MYO3B: variants seen among roughly 807,000 people sequenced by gnomAD.
MYO3B encodes the protein myosin IIIB, also known as myosin-IIIb.
Under a neutral mutation model 174.6 loss-of-function variants are expected in MYO3B, and 156 were observed. The ratio of observed to expected loss-of-function variants is 0.89; its 90% CI spans 0.78 to 1.02. The LOEUF (loss-of-function observed/expected upper bound fraction) is 1.02. Among genes scored for constraint, MYO3B ranks in the 50% least tolerant of loss-of-function variants. The pLI is 0.00. For missense variants in MYO3B, 1,632 were observed against 1,639.4 expected (o/e 1.00, Z 0.08); for synonymous variants, 563 against 569.1 (o/e 0.99, Z 0.15).
intron 7 of MYO3B, among the ~76,000 whole-genome samples, chr2:170,271,053 A>T (rs1421464930): frequency 6.6e-6 from 1 of 152,212 alleles, no homozygotes; most frequent in African/African-American, 2.4e-5. Context: ...TGCCAGATAT[A>T]GAAATTGGAG....
chr2:170,641,259 G>A (rs115742177), intron 32 of MYO3B: 1 of 152,230 alleles, frequency 6.6e-6, no homozygotes, highest in African/African-American at 2.4e-5. Context: ...CAAATGAGGT[G>A]TTATTTTTGC....
chr2:170,227,273 C>G (rs765362598), intron 6 of MYO3B, among the ~76,000 whole-genome samples: 2 of 152,024 alleles, frequency 1.3e-5, no homozygotes, highest in African/African-American at 2.4e-5. Flanking sequence ...CCGGGTATTT[C>G]TCATACTTTT....
At chr2:170,181,849 C>G (rs935749659) in intron 1 of MYO3B, among the ~76,000 whole-genome samples, 1 of 152,060 alleles carries the variant, frequency 6.6e-6, no homozygotes, top group African/African-American at 2.4e-5. Context: ...AGATTGTTTA[C>G]GCTTTCGCTC....
At chr2:170,641,452 T>C (rs761140259) in intron 32 of MYO3B, 1 of 152,188 alleles carries the variant, frequency 6.6e-6, no homozygotes, top group Non-Finnish European at 1.5e-5. Context: ...ATTCTTCTTT[T>C]AGAAATTTAT....
chr2:170,558,098 A>T (rs192635097), intron 32 of MYO3B, among the ~76,000 whole-genome samples: 1 of 152,152 alleles, frequency 6.6e-6, no homozygotes, highest in African/African-American at 2.4e-5. Flanking sequence ...TCAGGAGATC[A>T]AGACCATCCT....
At chr2:170,267,879 A>G (rs2093395894) in intron 7 of MYO3B, among the ~76,000 whole-genome samples, 1 of 152,168 alleles carries the variant, frequency 6.6e-6, no homozygotes, top group African/African-American at 2.4e-5. Flanking sequence ...TTAGGGTTGG[A>G]CAGAATCCAT....
intron 3 of MYO3B, among the ~76,000 whole-genome samples, chr2:170,213,884 T>TA (rs771914705): frequency 6.6e-5 from 10 of 152,192 alleles, no homozygotes; most frequent in Non-Finnish European, 1.3e-4. Context: ...GGGCTTCTGA[T>TA]ACGTGCTAGC....
chr2:170,517,683 C>G (rs1177188507), intron 29 of MYO3B, among the ~76,000 whole-genome samples: 2 of 152,140 alleles, frequency 1.3e-5, no homozygotes, highest in African/African-American at 4.8e-5. Context: ...TCCTTCTTAA[C>G]AGGGAAACAG....
At position 170,289,456 on chromosome 2, in the gene MYO3B, G is replaced by A. The variant is rs113316368; in HGVS notation, c.750-45929G>A. On this transcript the variant is annotated intron_variant, in intron 7 of 34. Transcript: ENST00000408978. Reference sequence around the variant, plus strand: ...CAATTTTGATAGGTTCTATGATTCCGGGAGTTTATCCATTCTTCCAGGTTT... The same window carrying A: ...CAATTTTGATAGGTTCTATGATTCCAGGAGTTTATCCATTCTTCCAGGTTT... Among the ~76,000 whole-genome samples, 692 of 151,984 alleles carry A rather than the reference G, an allele frequency of 4.6e-3. 9 individuals carry two copies. The highest frequency in any genetic ancestry group is 0.016 in the African/African-American group (652 of 41,486).
intron 28 of MYO3B, among the ~76,000 whole-genome samples, chr2:170,504,131 A>G: frequency 6.6e-6 from 1 of 152,190 alleles, no homozygotes. Context: ...ACCCAGATAC[A>G]GTGGCTCCCC....
At chr2:170,377,837 T>C (rs2094305955) in intron 9 of MYO3B, among the ~76,000 whole-genome samples, 1 of 152,234 alleles carries the variant, frequency 6.6e-6, no homozygotes, top group Admixed American at 6.5e-5. Context: ...TTTGATTTAG[T>C]AGAATGTTTT....
intron 7 of MYO3B, among the ~76,000 whole-genome samples, chr2:170,276,825 A>G (rs1363427332): frequency 6.6e-6 from 1 of 152,062 alleles, no homozygotes; most frequent in Non-Finnish European, 1.5e-5. Flanking sequence ...ATATAAAGCA[A>G]CTGTTTTTTT....
intron 16 of MYO3B, among the ~76,000 whole-genome samples, chr2:170,397,653 CA>C (rs1306238525): frequency 6.6e-6 from 1 of 152,252 alleles, no homozygotes; most frequent in African/African-American, 2.4e-5. Flanking sequence ...TTTTCTCCCC[CA>C]TACCTGCAAA....
intron 32 of MYO3B, among the ~76,000 whole-genome samples, chr2:170,621,186 G>C (rs534700921): frequency 7.9e-5 from 12 of 152,024 alleles, no homozygotes; most frequent in Non-Finnish European, 1.3e-4. Flanking sequence ...ACCGCACCCG[G>C]CCAACCATAG....
chr2:170,198,931 G>A (rs1438488989), intron 1 of MYO3B, among the ~76,000 whole-genome samples: 2 of 151,986 alleles, frequency 1.3e-5, no homozygotes, highest in Non-Finnish European at 2.9e-5. Flanking sequence ...CATCCTCTTT[G>A]GCTGTTTTAC....
intron 22 of MYO3B, among the ~76,000 whole-genome samples, chr2:170,433,129 A>G (rs2094725203): frequency 6.6e-6 from 1 of 152,062 alleles, no homozygotes; most frequent in Admixed American, 6.6e-5. Context: ...TTTTTACTGT[A>G]CCTTTTCTAT....
intron 2 of MYO3B, among the ~76,000 whole-genome samples, chr2:170,199,806 A>G (rs1220861377): frequency 1.3e-5 from 2 of 152,204 alleles, no homozygotes; most frequent in African/African-American, 4.8e-5. Flanking sequence ...ATCCTGTGAT[A>G]GGTCCCTTCA....
At chr2:170,631,303 A>G (rs532373512) in intron 32 of MYO3B, among the ~76,000 whole-genome samples, 1 of 152,226 alleles carries the variant, frequency 6.6e-6, no homozygotes, top group East Asian at 1.9e-4. Context: ...GGTATCAATG[A>G]TGGAAGATCA....
intron 32 of MYO3B, among the ~76,000 whole-genome samples, chr2:170,605,881 T>C (rs1694778530): frequency 6.6e-6 from 1 of 151,940 alleles, no homozygotes; most frequent in Admixed American, 6.6e-5. Context: ...GTGGCACCAA[T>C]GTCCACCCAA....
Sources: allele counts gnomAD v4.1 joint callset (sites outside exome capture counted in the v4.1 genomes callset), GRCh38; gene constraint gnomAD v4.1.1; transcripts MANE v1.5; gene names NCBI Gene and HGNC (gene_info 2026-07-23, HGNC 2026-07-21).